Variants in MUC3A observed in about 807,000 individuals in gnomAD.
MUC3A encodes the protein mucin 3A, cell surface associated, also known as mucin-3A.
A neutral mutation model predicts 109.0 loss-of-function variants in MUC3A; 109 were observed. That is an observed-to-expected ratio of 1.00 (90% CI 0.86 to 1.17). The LOEUF is 1.17. Among genes scored for constraint, MUC3A ranks in the 50% most tolerant of loss-of-function variants. MUC3A has a pLI of 0.00. For synonymous variants in MUC3A, 1,398 were observed against 981.4 expected (o/e 1.42, Z -7.93); for missense variants, 3,537 against 2,469.4 (o/e 1.43, Z -9.16).
rs1445617828 is a variant in MUC3A, at chr7:100,957,217, C to T, written c.5438C>T (p.Thr1813Ile). Reference protein sequence around the residue: ...VPSTEAITSGTTNTTPLSTLV... With the variant: ...VPSTEAITSGITNTTPLSTLV... Reference sequence around the variant, plus strand: ...AGTACAGAAGCGATCACCAGTGGTACCACAAACACCACCCCTCTATCTACA... The same window carrying T: ...AGTACAGAAGCGATCACCAGTGGTATCACAAACACCACCCCTCTATCTACA... The change falls in exon 2 of 12, where the codon ACC becomes ATC. Residue 1813 changes from threonine to isoleucine, a missense_variant. By Grantham distance (89) the Thr-to-Ile change is moderately conservative. Coordinates refer to ENST00000379458, the MANE Select transcript of MUC3A (RefSeq NM_005960.2). The T allele has an allele frequency of 8.4e-6, 4 of 474,912 alleles. No homozygotes were observed. Among genetic ancestry groups the T allele is most frequent in the Middle Eastern group, 2.8e-4 (1 of 3,548 alleles). 29.4% of individuals were successfully genotyped at this position (474,912 alleles called of 1,614,324 possible). A position where few individuals can be genotyped will look rare whatever the true frequency, so the allele number is the denominator to read the frequency against.
chr7:100,963,936 G>A (rs1280988637), intron 5 of MUC3A, 184 bp downstream of exon 5: 2 of 815,824 alleles, frequency 2.5e-6, no homozygotes, highest in Non-Finnish European at 2.0e-6. Flanking sequence ...TGGAGGAGGG[G>A]TGGCACCTCT....
chr7:100,967,264 G>A lies in MUC3A; in HGVS notation c.*102G>A. 1 of 1,538,512 alleles carries A rather than the reference G, an allele frequency of 6.5e-7. No individual in the cohort carries two copies. The highest frequency in any genetic ancestry group is 8.8e-7 in the Non-Finnish European group (1 of 1,139,858). Reference sequence around the variant, plus strand: ...TGGCCCCAGGACGCGGGCAGCCCAGGCTCCTGCTGTTCTTGGGCAAGATGA... The same window carrying A: ...TGGCCCCAGGACGCGGGCAGCCCAGACTCCTGCTGTTCTTGGGCAAGATGA... On this transcript the variant is annotated 3_prime_UTR_variant, in exon 12 of 12. Coordinates refer to ENST00000379458, the MANE Select transcript of MUC3A (RefSeq NM_005960.2).
chr7:100,950,251 G>A (rs1333063410), intron 1 of MUC3A, among the ~76,000 whole-genome samples: 32 of 152,312 alleles, frequency 2.1e-4, no homozygotes, highest in African/African-American at 7.5e-4. Flanking sequence ...ACAGCTGTTG[G>A]TACCAGGGCC....
chr7:100,966,073 CTAA>C, intron 8 of MUC3A: 1 of 498,606 alleles, frequency 2.0e-6, no homozygotes, highest in Non-Finnish European at 2.8e-6. Context: ...GTCCTGTCCC[CTAA>C]TTCTGGGAGA....
At chr7:100,966,044 G>GATCCGTCGCCCTAAAGTGTAGCCCCGC in intron 8 of MUC3A, 178 bp downstream of exon 8, 3 of 823,398 alleles carry the variant, frequency 3.6e-6, no homozygotes, top group Non-Finnish European at 5.4e-6. Context: ...CTGGAGCTCT[G>GATCCGTCGCCCTAAAGTGTAGCCCCGC]CTCCTTTGAT....
At position 100,958,492 on chromosome 7, in the gene MUC3A, G is replaced by C; in HGVS notation, c.6713G>C (p.Gly2238Ala). ...GAGACCACATCCCACAGTACTCCCG[G>C]CTTCACTTCTTCAATCACCACCACT... Reference protein sequence around the residue: ...TTETTSHSTPGFTSSITTTET... With the variant: ...TTETTSHSTPAFTSSITTTET... The change falls in exon 2 of 12, where the codon GGC becomes GCC. Residue 2238 changes from glycine (G) to alanine (A), a missense_variant. Physicochemically the swap from Gly to Ala is moderately conservative, Grantham distance 60. Coordinates refer to ENST00000379458, the MANE Select transcript of MUC3A (RefSeq NM_005960.2). 1 of 868,744 alleles carries C rather than the reference G, an allele frequency of 1.2e-6. No homozygotes were observed. The highest frequency in any genetic ancestry group is 1.4e-5 in the South Asian group (1 of 73,788). 53.8% of individuals were successfully genotyped at this position (868,744 alleles called of 1,614,324 possible).
At position 100,961,997 on chromosome 7, in the gene MUC3A, C is replaced by T. The variant is rs1792346978; in HGVS notation, c.9052+1060C>T. On this transcript the variant is annotated intron_variant, in intron 3 of 11. Transcript: ENST00000379458. ...CCTGTAATCCCAGCACTTTGGGAGG[C>T]CGAGGCGGGCGGATCACGAGGTCAG... is the stretch of plus-strand genomic sequence containing the variant. Among the ~76,000 whole-genome samples, 4 of 11,594 alleles carry T rather than the reference C, an allele frequency of 3.5e-4. 1 individual carries two copies. Among genetic ancestry groups the T allele is most frequent in the Non-Finnish European group, 9.4e-4 (4 of 4,264 alleles). The allele number at this position is 11,594 out of a possible 152,430, so 7.6% of individuals were successfully genotyped here.
In MUC3A at chr7:100,949,647, G is replaced by A. The variant is rs764890054; in HGVS notation, c.23G>A (p.Gly8Asp). The A allele has an allele frequency of 1.2e-5, 19 of 1,556,902 alleles. No individual in the cohort carries two copies. In the African/African-American group the frequency reaches 2.4e-4, roughly 20 times the overall value. MQLLGLL[G>D]LLWMLKASPW... ...CCCATGCAGCTGTTGGGGCTCCTCG[G>A]CCTCCTCTGGATGCTCAAGGCCTCC... Residue 8 changes from glycine (G) to aspartate (D), a missense_variant, in exon 1 of 12, where the codon GGC (glycine) becomes GAC (aspartate). Gly to Asp is a moderately conservative substitution (Grantham distance 94). Transcript: ENST00000379458.
At chr7:100,961,969 A>ATGGTGG (rs1792346439) in intron 3 of MUC3A, among the ~76,000 whole-genome samples, 1 of 1,248 alleles carries the variant, frequency 8.0e-4, no homozygotes, top group Admixed American at 8.5e-3. Context: ...AACTTACCTC[A>ATGGTGG]CGCCTGTAAT....
chr7:100,964,989 T>TACC, intron 6 of MUC3A, 146 bp downstream of exon 6: 25 of 1,148,004 alleles, frequency 2.2e-5, no homozygotes, highest in Admixed American at 8.7e-5. Flanking sequence ...CACACAACGG[T>TACC]GTCAAGGGTG....
At position 100,960,949 on chromosome 7, in the gene MUC3A, G is replaced by A. The variant is rs1460638913; in HGVS notation, c.9052+12G>A. The A allele has an allele frequency of 1.6e-5, 26 of 1,598,356 alleles. No individual in the cohort carries two copies. The highest frequency in any genetic ancestry group is 4.4e-5 in the South Asian group (4 of 91,096). Reference sequence around the variant, plus strand: ...ACAGGTGGATCTAGGTGAGTTGCCAGAGCTATGCCTTCTGCACTTCCTCCC... The same window carrying A: ...ACAGGTGGATCTAGGTGAGTTGCCAAAGCTATGCCTTCTGCACTTCCTCCC... On this transcript the variant is annotated intron_variant, in intron 3 of 11. Transcript: ENST00000379458.
chr7:100,963,286 G>GTTTTTTTTTT lies in MUC3A; in HGVS notation c.9168+20_9168+21insTTTTTTTTTT. On this transcript the variant is annotated intron_variant, in intron 4 of 11. Coordinates refer to ENST00000379458, the MANE Select transcript of MUC3A (RefSeq NM_005960.2). ...AATCAGGTAAAGGGCAAAGAGAGGG[G>GTTTTTTTTTT]ATTTTTTTTTTTTTTTTGAGGTGTA... 2 of 1,494,518 alleles carry GTTTTTTTTTT rather than the reference G, an allele frequency of 1.3e-6. No individual in the cohort carries two copies. The highest frequency in any genetic ancestry group is 1.8e-6 in the Non-Finnish European group (2 of 1,120,172). The allele number at this position is 1,494,518 out of a possible 1,614,324, so 92.6% of individuals were successfully genotyped here. A position where few individuals can be genotyped will look rare whatever the true frequency, so the allele number is the denominator to read the frequency against.
At position 100,959,193 on chromosome 7, in the gene MUC3A, C is replaced by G; in HGVS notation, c.7414C>G (p.Pro2472Ala). Residue 2472 changes from proline to alanine, a missense_variant, in exon 2 of 12, where the codon CCC becomes GCC. Pro to Ala is a conservative substitution (Grantham distance 27). Transcript: ENST00000379458. ...HFTTSETAVT[P>A]TPVTPSSLST... The stretch of plus-strand genomic sequence containing the variant: ...TACTACCTCAGAGACTGCGGTGACT[C>G]CCACACCTGTAACCCCATCTTCTCT... 8.7e-7 allele frequency: 1 copy of G among 1,154,828 alleles called. No homozygotes were observed. The highest frequency in any genetic ancestry group is 1.1e-6 in the Non-Finnish European group (1 of 923,334). 71.5% of individuals were successfully genotyped at this position (1,154,828 alleles called of 1,614,324 possible). A position where few individuals can be genotyped will look rare whatever the true frequency, so the allele number is the denominator to read the frequency against.
Position 100,967,212 on chromosome 7 carries a change from GGT to G in MUC3A, c.*51_*52del. On this transcript the variant is annotated 3_prime_UTR_variant, in exon 12 of 12. Coordinates refer to ENST00000379458, the MANE Select transcript of MUC3A (RefSeq NM_005960.2). ...CCCTCCGCCCTGCCCCGGACACAAG[GGT>G]CTGCATTGCGTCCATTTCAAGAGGT... The G allele has an allele frequency of 6.3e-7, 1 of 1,597,198 alleles. No individual in the cohort carries two copies. The highest frequency in any genetic ancestry group is 1.1e-5 in the South Asian group (1 of 90,864).
intron 8 of MUC3A, 50 bp downstream of exon 8, chr7:100,965,916 T>C (rs752132495): frequency 6.5e-7 from 1 of 1,549,566 alleles, no homozygotes; most frequent in Non-Finnish European, 8.7e-7. Context: ...CCACTCATTC[T>C]AGGATGAAGC....
In MUC3A at chr7:100,956,151, C is replaced by G; in HGVS notation, c.4372C>G (p.Leu1458Val). The stretch of plus-strand genomic sequence containing the variant: ...CCCCATTACCATCACCAGGTCTACA[C>G]TTACATCTGAGACCGCCTACCCTAG... ...TLPITITRST[L>V]TSETAYPSSP... Residue 1458 changes from leucine to valine, a missense_variant, in exon 2 of 12, where the codon CTT (leucine) becomes GTT (valine). Transcript: ENST00000379458. 2.2e-6 allele frequency: 1 copy of G among 453,096 alleles called. No individual in the cohort carries two copies. The highest frequency in any genetic ancestry group is 3.9e-6 in the Non-Finnish European group (1 of 258,922). 28.1% of individuals were successfully genotyped at this position (453,096 alleles called of 1,614,324 possible).
intron 4 of MUC3A, 26 bp from the exon 5 acceptor site, chr7:100,963,662 G>A (rs1792419361): frequency 1.3e-6 from 2 of 1,598,406 alleles, no homozygotes; most frequent in Admixed American, 1.7e-5. Context: ...GTTCGGACGT[G>A]AGCCCAGGGA....
intron 5 of MUC3A, 153 bp downstream of exon 5, chr7:100,963,905 C>G: frequency 1.8e-6 from 2 of 1,097,446 alleles, no homozygotes; most frequent in South Asian, 1.4e-5. Flanking sequence ...TTTTTCGGAT[C>G]GTTTTCTGGG....
Position 100,967,134 on chromosome 7 carries a change from G to T in MUC3A, c.9944G>T (p.Arg3315Ile). 1.3e-6 allele frequency: 2 copies of T among 1,598,556 alleles called. No homozygotes were observed. Among genetic ancestry groups the T allele is most frequent in the Non-Finnish European group, 1.7e-6 (2 of 1,179,826 alleles). Residue 3315 changes from arginine (R) to isoleucine (I), a missense_variant, in exon 12 of 12, where the codon AGA becomes ATA. Physicochemically the swap from Arg to Ile is moderately conservative, Grantham distance 97. Coordinates refer to ENST00000379458, the MANE Select transcript of MUC3A (RefSeq NM_005960.2). Reference protein sequence around the residue: ...VDTTMKVHIKRPEMTSSSV With the variant: ...VDTTMKVHIKIPEMTSSSV Reference sequence around the variant, plus strand: ...TGACTCTGACAGGTGCACATCAAGAGACCCGAGATGACCTCGTCCTCAGTG... The same window carrying T: ...TGACTCTGACAGGTGCACATCAAGATACCCGAGATGACCTCGTCCTCAGTG...
Sources: allele counts gnomAD v4.1 joint callset (sites outside exome capture counted in the v4.1 genomes callset), GRCh38; gene constraint gnomAD v4.1.1; transcripts MANE v1.5; gene names NCBI Gene and HGNC (gene_info 2026-07-23, HGNC 2026-07-21).